TSPAN16: variants seen among roughly 807,000 people sequenced by gnomAD.
TSPAN16 encodes the protein tetraspanin-16.
In TSPAN16, 23 loss-of-function variants were observed where a neutral mutation model predicts 25.2. That is an observed-to-expected ratio of 0.91 (90% CI 0.66 to 1.29). The LOEUF is 1.29. Among genes scored for constraint, TSPAN16 ranks in the 50% most tolerant of loss-of-function variants. The probability of loss-of-function intolerance (pLI) is 0.00; values close to 1 mark genes in which losing one functional copy is unlikely to be tolerated. For synonymous variants in TSPAN16, 123 were observed against 124.4 expected, an observed-to-expected ratio of 0.99 and a Z score of 0.08; for missense variants, 272 against 299.9, an observed-to-expected ratio of 0.91 and a Z score of 0.69.
At chr19:11,317,948 C>T (rs1037057167), downstream of TSPAN16, among the ~76,000 whole-genome samples, 3 of 152,040 alleles carry the variant, frequency 2.0e-5, no homozygotes, top group East Asian at 5.8e-4. Flanking sequence ...CATGAGTTAC[C>T]AGCCCTGGCT....
chr19:11,326,115 G>A (rs990980398), intron 6 of TSPAN16, among the ~76,000 whole-genome samples: 42 of 151,912 alleles, frequency 2.8e-4, no homozygotes, highest in African/African-American at 9.9e-4. Flanking sequence ...CCAGCTACTC[G>A]GGAGGCTGAG....
At chr19:11,296,675 A>C (rs2080481665) in intron 1 of TSPAN16, among the ~76,000 whole-genome samples, 1 of 152,190 alleles carries the variant, frequency 6.6e-6, no homozygotes, top group African/African-American at 2.4e-5. Flanking sequence ...AGAAAGGGTT[A>C]TTTTCTTGAT....
At chr19:11,305,952 A>T (rs1381194759) in intron 4 of TSPAN16, among the ~76,000 whole-genome samples, 2 of 152,100 alleles carry the variant, frequency 1.3e-5, no homozygotes, top group African/African-American at 4.8e-5. Flanking sequence ...CATTGGTATC[A>T]GGTTCATAAC....
chr19:11,310,790 A>C (rs993469541), intron 5 of TSPAN16, among the ~76,000 whole-genome samples: 19 of 152,220 alleles, frequency 1.2e-4, no homozygotes, highest in African/African-American at 4.3e-4. Context: ...TGCTGGCTAC[A>C]TGTCAGACCA....
intron 6 of TSPAN16, among the ~76,000 whole-genome samples, chr19:11,314,835 C>G (rs73922639): frequency 1.3e-5 from 2 of 152,192 alleles, no homozygotes; most frequent in South Asian, 2.1e-4. Flanking sequence ...TCTCTCCTCC[C>G]GCTCACCCGT....
downstream of TSPAN16, among the ~76,000 whole-genome samples, chr19:11,317,511 T>C (rs1208285831): frequency 6.6e-6 from 1 of 151,982 alleles, no homozygotes; most frequent in African/African-American, 2.4e-5. Context: ...TTTTCTTTTT[T>C]GAGACGGAGT....
At chr19:11,318,012 A>G (rs1302771725), downstream of TSPAN16, among the ~76,000 whole-genome samples, 1 of 151,716 alleles carries the variant, frequency 6.6e-6, no homozygotes, top group African/African-American at 2.4e-5. Context: ...TGAACCACAG[A>G]TCCTGATCTT....
chr19:11,308,725 G>A (rs1406219554), intron 5 of TSPAN16, among the ~76,000 whole-genome samples: 1 of 151,428 alleles, frequency 6.6e-6, no homozygotes, highest in South Asian at 2.1e-4. Context: ...CGCCCGCCTC[G>A]GCCTCCCAAA....
intron 4 of TSPAN16, 173 bp from the exon 5 acceptor site, chr19:11,306,427 CTGAG>C: frequency 1.2e-5 from 9 of 734,914 alleles, no homozygotes; most frequent in Non-Finnish European, 1.7e-5. Context: ...AGCTTTTACC[CTGAG>C]TGAGATGGGA....
At chr19:11,304,270 A>G (rs758001391) in intron 4 of TSPAN16, among the ~76,000 whole-genome samples, 2 of 151,482 alleles carry the variant, frequency 1.3e-5, no homozygotes, top group Non-Finnish European at 2.9e-5. Flanking sequence ...GGAGCATTTC[A>G]CACCTGAGTT....
chr19:11,297,531 C>T (rs2080492165), intron 1 of TSPAN16, among the ~76,000 whole-genome samples: 1 of 134,034 alleles, frequency 7.5e-6, no homozygotes, highest in South Asian at 2.2e-4. Context: ...GAGTCTTGCT[C>T]TGTCACCCAG....
At chr19:11,299,197 T>C (rs868671702) in intron 3 of TSPAN16, among the ~76,000 whole-genome samples, 3 of 151,796 alleles carry the variant, frequency 2.0e-5, no homozygotes, top group African/African-American at 7.3e-5. Context: ...GGATAATCCC[T>C]TGAACCCGGG....
intron 4 of TSPAN16, 62 bp downstream of exon 4, chr19:11,301,370 T>C: frequency 7.6e-7 from 1 of 1,309,844 alleles, no homozygotes; most frequent in South Asian, 1.2e-5. Context: ...GCGGGCGAAG[T>C]GGCTCACACC....
chr19:11,298,505 G>T (rs112946809), intron 2 of TSPAN16, among the ~76,000 whole-genome samples, 166 bp downstream of exon 2: 192 of 151,678 alleles, frequency 1.3e-3, no homozygotes, highest in African/African-American at 3.7e-3. Context: ...CACAATCTTG[G>T]TTCACTGCAA....
chr19:11,299,046 G>C (rs2080513213), intron 3 of TSPAN16, 100 bp downstream of exon 3: 5 of 1,164,422 alleles, frequency 4.3e-6, no homozygotes, highest in Middle Eastern at 2.0e-4. Context: ...TTGGGAGGCT[G>C]AGTCTGGTGG....
In TSPAN16 at chr19:11,298,207, T is replaced by C. The variant is rs1193889434; in HGVS notation, c.135T>C (p.Asn45=). Residue 45 remains asparagine, a synonymous_variant, in exon 2 of 7, where the codon AAT becomes AAC. Transcript: ENST00000590327. Reference sequence around the variant, plus strand: ...AATGTGGAGGGGCCTCTCTGACGAATGTCCTCGGGCTGTCCTCCGCATACC... The same window carrying C: ...AATGTGGAGGGGCCTCTCTGACGAACGTCCTCGGGCTGTCCTCCGCATACC... ...GGKCGGASLT[N]VLGLSSAYLL... 5 of 1,614,066 alleles carry C rather than the reference T, an allele frequency of 3.1e-6. No homozygotes were observed. The highest frequency in any genetic ancestry group is 2.2e-5 in the East Asian group (1 of 44,898).
At chr19:11,308,484 T>A (rs2147948455) in intron 5 of TSPAN16, among the ~76,000 whole-genome samples, 1 of 150,066 alleles carries the variant, frequency 6.7e-6, no homozygotes, top group South Asian at 2.1e-4. Context: ...TTTTTTTTTT[T>A]TTTTGAGACG....
chr19:11,317,046 G>A (rs577380317), downstream of TSPAN16, among the ~76,000 whole-genome samples: 3 of 151,672 alleles, frequency 2.0e-5, no homozygotes, highest in African/African-American at 7.3e-5. Context: ...CAAGTGATCC[G>A]CCTGCCTCGG....
chr19:11,305,949 A>G (rs2080621562), intron 4 of TSPAN16, among the ~76,000 whole-genome samples: 1 of 152,156 alleles, frequency 6.6e-6, no homozygotes, highest in South Asian at 2.1e-4. Context: ...AAACATTGGT[A>G]TCAGGTTCAT....
Sources: gnomAD v4.1 joint callset for allele counts (sites outside exome capture counted in the v4.1 genomes callset) on GRCh38, gnomAD v4.1.1 for gene constraint, MANE v1.5 for transcripts, NCBI Gene and HGNC (gene_info 2026-07-23, HGNC 2026-07-21) for gene names.